Variants in CAPZA2 observed in about 807,000 individuals in gnomAD.
The protein encoded by CAPZA2 is F-actin-capping protein subunit alpha-2.
A neutral mutation model predicts 44.0 loss-of-function variants in CAPZA2; 13 were observed. That is an observed-to-expected ratio of 0.30 (90% CI 0.19 to 0.47). The LOEUF (loss-of-function observed/expected upper bound fraction) is 0.47, where lower values mean the gene tolerates loss of function less well. Among genes scored for constraint, CAPZA2 ranks in the 20% least tolerant of loss-of-function variants. The pLI is 1.00. For synonymous variants in CAPZA2, 94 were observed against 108.2 expected, an observed-to-expected ratio of 0.87 and a Z score of 0.81; for missense variants, 244 against 338.6, an observed-to-expected ratio of 0.72 and a Z score of 2.19.
At chr7:116,880,295 G>C (rs1454555129) in intron 1 of CAPZA2, 3 of 344,266 alleles carry the variant, frequency 8.7e-6, no homozygotes, top group Admixed American at 4.2e-5. Flanking sequence ...TAATTAATCA[G>C]AACTCAAGTA....
chr7:116,870,377 T>C (rs901044171), intron 1 of CAPZA2, among the ~76,000 whole-genome samples: 3 of 152,200 alleles, frequency 2.0e-5, no homozygotes, highest in African/African-American at 7.2e-5. Flanking sequence ...GCAGTGAGTT[T>C]TGTGTAAAAA....
At chr7:116,871,021 A>C (rs1037850690) in intron 1 of CAPZA2, among the ~76,000 whole-genome samples, 3 of 152,196 alleles carry the variant, frequency 2.0e-5, no homozygotes, top group African/African-American at 7.2e-5. Context: ...GAGATAGAGA[A>C]ACAGCTTGGA....
At chr7:116,906,961 C>T (rs10487355) in intron 6 of CAPZA2, among the ~76,000 whole-genome samples, 43,375 of 152,008 alleles carry the variant, frequency 0.29, 6,411 homozygotes, top group East Asian at 0.41. Context: ...GTACCTGTTA[C>T]AAAATTCTGA....
intron 7 of CAPZA2, among the ~76,000 whole-genome samples, chr7:116,910,788 A>T: frequency 6.6e-6 from 1 of 151,940 alleles, no homozygotes; most frequent in African/African-American, 2.4e-5. Flanking sequence ...GGTGGATCAC[A>T]AGGTCAGGAG....
chr7:116,914,435 A>ACT (rs996689217), intron 8 of CAPZA2, among the ~76,000 whole-genome samples: 4 of 91,080 alleles, frequency 4.4e-5, no homozygotes, highest in African/African-American at 1.4e-4. Context: ...ACATACATAC[A>ACT]CACACACACA....
At chr7:116,901,881 ATGTGTGTG>A (rs1554410805) in intron 4 of CAPZA2, among the ~76,000 whole-genome samples, 29 of 140,894 alleles carry the variant, frequency 2.1e-4, no homozygotes, top group African/African-American at 6.3e-4. Flanking sequence ...TAACGAAGAA[ATGTGTGTG>A]TGTGTGTGTG....
intron 8 of CAPZA2, among the ~76,000 whole-genome samples, chr7:116,912,364 CT>C (rs143694421): frequency 8.1e-5 from 12 of 148,436 alleles, no homozygotes; most frequent in South Asian, 6.4e-4. Flanking sequence ...AAATTTTTCT[CT>C]TTTTTTTTTG....
intron 2 of CAPZA2, among the ~76,000 whole-genome samples, chr7:116,891,128 C>T (rs1438995771): frequency 3.3e-5 from 5 of 152,190 alleles, no homozygotes; most frequent in African/African-American, 1.2e-4. Context: ...GACTTGGAGC[C>T]ACAGCCTGAT....
intron 4 of CAPZA2, among the ~76,000 whole-genome samples, chr7:116,903,906 A>C (rs751852556): frequency 6.6e-6 from 1 of 152,190 alleles, no homozygotes; most frequent in Non-Finnish European, 1.5e-5. Flanking sequence ...AACCCACTTG[A>C]ACAGTGTTTT....
At chr7:116,897,186 C>A (rs113777839) in intron 3 of CAPZA2, among the ~76,000 whole-genome samples, 107 of 152,178 alleles carry the variant, frequency 7.0e-4, no homozygotes, top group African/African-American at 2.5e-3. Context: ...TTAAATATGA[C>A]CTTACTGGAA....
At chr7:116,891,453 C>T (rs62470782) in intron 2 of CAPZA2, among the ~76,000 whole-genome samples, 4,998 of 152,282 alleles carry the variant, frequency 0.033, 115 homozygotes, top group Middle Eastern at 0.058. Context: ...TGTTTAAAAT[C>T]AGTTAATTTC....
At chr7:116,891,634 C>G (rs933805131) in intron 2 of CAPZA2, among the ~76,000 whole-genome samples, 1 of 152,126 alleles carries the variant, frequency 6.6e-6, no homozygotes, top group Non-Finnish European at 1.5e-5. Context: ...GCCTCAGCCT[C>G]CCAAGCAGCT....
chr7:116,880,809 G>A (rs1206292244), intron 1 of CAPZA2, among the ~76,000 whole-genome samples: 2 of 138,226 alleles, frequency 1.4e-5, no homozygotes, highest in African/African-American at 5.4e-5. Context: ...CCAGGTTCAA[G>A]CGATTCTCCT....
intron 3 of CAPZA2, 149 bp downstream of exon 3, chr7:116,893,194 G>A (rs549696008): frequency 3.4e-5 from 16 of 469,370 alleles, no homozygotes; most frequent in Non-Finnish European, 5.7e-5. Context: ...TCAGTGGTGC[G>A]ATCTCGGCTC....
At position 116,873,272 on chromosome 7, in the gene CAPZA2, C is replaced by T. The variant is rs117180774; in HGVS notation, c.39+10622C>T. ...GGTCCTTTGCTTCTAAATTTAATGGCTCTAGATGGCTGTTTGGGGGTTTTG... is the reference window on the plus strand; with the variant it reads ...GGTCCTTTGCTTCTAAATTTAATGGTTCTAGATGGCTGTTTGGGGGTTTTG... On this transcript the variant is annotated intron_variant, in intron 1 of 9. Transcript: ENST00000361183. Among the ~76,000 whole-genome samples the T allele has an allele frequency of 1.7e-3, 265 of 152,130 alleles. 1 individual carries two copies. The highest frequency in any genetic ancestry group is 5.8e-3 in the African/African-American group (242 of 41,486).
intron 1 of CAPZA2, among the ~76,000 whole-genome samples, chr7:116,863,253 C>T (rs1380968489): frequency 1.3e-5 from 2 of 152,188 alleles, no homozygotes; most frequent in African/African-American, 4.8e-5. Context: ...CCCTCCTTCT[C>T]TCTTTCCTTT....
rs1791604521 is a variant in CAPZA2 at position 116,912,089 on chromosome 7, T to C, written c.606T>C (p.Gly202=). The C allele has an allele frequency of 6.2e-7, 1 of 1,612,928 alleles. No homozygotes were observed. The highest frequency in any genetic ancestry group is 1.3e-5 in the African/African-American group (1 of 74,910). Residue 202 remains glycine (G), a synonymous_variant, in exon 8 of 10, where the codon GGT becomes GGC. Coordinates refer to ENST00000361183, the MANE Select transcript of CAPZA2 (RefSeq NM_006136.3). ...LKIQVHYYED[G]NVQLVSHKDI... ...AATAGGTTCATTATTATGAAGATGG[T>C]AATGTTCAGCTAGTGAGTCATAAAG...
chr7:116,883,870 A>G (rs1397204325), intron 1 of CAPZA2, among the ~76,000 whole-genome samples: 2 of 152,212 alleles, frequency 1.3e-5, no homozygotes, highest in African/African-American at 4.8e-5. Context: ...GCTGCTTGCT[A>G]TCAGGAATTT....
intron 1 of CAPZA2, chr7:116,875,421 A>G (rs1351643666): frequency 3.9e-5 from 6 of 152,244 alleles, no homozygotes; most frequent in Non-Finnish European, 8.8e-5. Flanking sequence ...AAGATTGCCT[A>G]AAATTGATAT....
Sources: gnomAD v4.1 joint callset for allele counts (sites outside exome capture counted in the v4.1 genomes callset) on GRCh38, gnomAD v4.1.1 for gene constraint, MANE v1.5 for transcripts, NCBI Gene and HGNC (gene_info 2026-07-23, HGNC 2026-07-21) for gene names.